LRP1B: variants seen among roughly 807,000 people sequenced by gnomAD.
LRP1B encodes the protein low-density lipoprotein receptor-related protein 1B.
A neutral mutation model predicts 556.6 loss-of-function variants in LRP1B; 217 were observed. The ratio of observed to expected loss-of-function variants is 0.39; its 90% CI spans 0.35 to 0.44. LRP1B has a LOEUF of 0.44. Ranked by LOEUF, LRP1B falls within the 20% of genes least tolerant of loss-of-function variation. The pLI, the probability that LRP1B is intolerant of heterozygous loss-of-function variation, is 1.00. For synonymous variants in LRP1B, 2,047 were observed against 1,865.8 expected (o/e 1.10, Z -2.50); for missense variants, 5,053 against 5,620.8 (o/e 0.90, Z 3.23).
chr2:141,378,281 A>G (rs1323057550), intron 3 of LRP1B, among the ~76,000 whole-genome samples: 1 of 152,226 alleles, frequency 6.6e-6, no homozygotes, highest in Non-Finnish European at 1.5e-5. Flanking sequence ...AGAACATTGA[A>G]CATTTTAGAC....
intron 7 of LRP1B, among the ~76,000 whole-genome samples, chr2:141,150,343 G>T (rs189549864): frequency 1.3e-5 from 2 of 152,256 alleles, no homozygotes; most frequent in Non-Finnish European, 2.9e-5. Flanking sequence ...CTATATTTCA[G>T]CAGGAAAAAG....
chr2:140,495,625 G>A lies in LRP1B; in HGVS notation c.8974C>T (p.Leu2992Phe), dbSNP rs2104873217. 6.2e-7 allele frequency: 1 copy of A among 1,613,814 alleles called. No individual in the cohort carries two copies. Among genetic ancestry groups the A allele is most frequent in the Non-Finnish European group, 8.5e-7 (1 of 1,179,776 alleles). Residue 2992 changes from leucine (L) to phenylalanine (F), a missense_variant, in exon 56 of 91, where the codon CTC (leucine) becomes TTC (phenylalanine). Physicochemically the swap from Leu to Phe is conservative, Grantham distance 22. Around this residue, in one of 5 missense-constraint regions of LRP1B, gnomAD observed 3,619 missense variants for 3,931.9 expected, o/e 0.92. Transcript: ENST00000389484. ...TGTATTTCATACCCATCTGTACAGA[G>A]GCACTTGTAAGTCCCGTATGTATTG... ...CINTYGTYKCLCTDGYEIQPD... is the reference protein window; with the variant it reads ...CINTYGTYKCFCTDGYEIQPD...
chr2:140,492,660 T>C lies in LRP1B; in HGVS notation c.9068A>G (p.His3023Arg). ...EEPFLILADH[H>R]EIRKISTDGS... ...ATCAGTGCTAATTTTCCTTATCTCA[T>C]GATGATCAGCAAGAATTAAAAAAGG... The change falls in exon 57 of 91, where the codon CAT (histidine) becomes CGT (arginine). Residue 3023 changes from histidine (H) to arginine (R), a missense_variant. By Grantham distance (29) the His-to-Arg change is conservative. This residue lies in a region of LRP1B where 3,619 missense variants were observed against 3,931.9 expected (regional missense o/e 0.92). Coordinates refer to ENST00000389484, the MANE Select transcript of LRP1B (RefSeq NM_018557.3). 3 of 1,613,646 alleles carry C rather than the reference T, an allele frequency of 1.9e-6. No individual in the cohort carries two copies. Among genetic ancestry groups the C allele is most frequent in the African/African-American group, 2.7e-5 (2 of 75,042 alleles).
intron 1 of LRP1B, among the ~76,000 whole-genome samples, chr2:142,018,580 C>T (rs1703226324): frequency 6.6e-6 from 1 of 151,876 alleles, no homozygotes; most frequent in Non-Finnish European, 1.5e-5. Context: ...TTTACCATAG[C>T]TTTCTGTTTT....
At position 140,368,388 on chromosome 2, in the gene LRP1B, A is replaced by C. The variant is rs531445804; in HGVS notation, c.11008+2322T>G. 1.8e-3 allele frequency among the ~76,000 whole-genome samples: 277 copies of C among 151,972 alleles called. 2 individuals are homozygous for C. Among genetic ancestry groups the C allele is most frequent in the Non-Finnish European group, 8.1e-4 (55 of 67,884 alleles). On this transcript the variant is annotated intron_variant, in intron 71 of 90. Transcript: ENST00000389484. ...TTCTCATCTTAATTGGGTTGAGAGA[A>C]GCTTTAATGCATGATAATACTTTAT...
intron 68 of LRP1B, among the ~76,000 whole-genome samples, chr2:140,377,797 A>C (rs1683299833): frequency 6.6e-6 from 1 of 152,176 alleles, no homozygotes; most frequent in Admixed American, 6.5e-5. Flanking sequence ...CTATTGAAGA[A>C]AGAGACTGGG....
At chr2:140,291,321 T>TTTTTTTTA (rs1553440694) in intron 84 of LRP1B, among the ~76,000 whole-genome samples, 6 of 132,018 alleles carry the variant, frequency 4.5e-5, no homozygotes, top group South Asian at 2.5e-4. Context: ...TATATATATT[T>TTTTTTTTA]TTATTATACT....
chr2:141,837,275 G>T (rs1230033981), intron 1 of LRP1B, among the ~76,000 whole-genome samples: 2 of 151,810 alleles, frequency 1.3e-5, no homozygotes, highest in Non-Finnish European at 2.9e-5. Flanking sequence ...GCCATCGAAG[G>T]GTAAGACATT....
intron 41 of LRP1B, among the ~76,000 whole-genome samples, chr2:140,684,836 G>A (rs1685992938): frequency 6.6e-6 from 1 of 152,126 alleles, no homozygotes; most frequent in Admixed American, 6.5e-5. Flanking sequence ...CAAGATGCGA[G>A]GGGTTGGAGA....
chr2:140,748,775 T>TATGATATATATTATATAC lies in LRP1B; in HGVS notation c.5758+20437_5758+20438insGTATATAATATATATCAT, dbSNP rs1559094583. Among the ~76,000 whole-genome samples, 51 of 29,316 alleles carry TATGATATATATTATATAC rather than the reference T, an allele frequency of 1.7e-3. 2 individuals carry two copies. The highest frequency in any genetic ancestry group is 3.2e-3 in the East Asian group (1 of 312). The allele number at this position is 29,316 out of a possible 152,430, so 19.2% of individuals were successfully genotyped here. ...ATATATATTATATACATGTATATAATATGTATATAATATATATTATATACA... is the reference window on the plus strand; with the variant it reads ...ATATATATTATATACATGTATATAATATGATATATATTATATACATGTATATAATATATATTATATACA... On this transcript the variant is annotated intron_variant, in intron 35 of 90. Coordinates refer to ENST00000389484, the MANE Select transcript of LRP1B (RefSeq NM_018557.3).
At chr2:141,908,510 T>C (rs1699820708) in intron 1 of LRP1B, among the ~76,000 whole-genome samples, 2 of 152,026 alleles carry the variant, frequency 1.3e-5, no homozygotes, top group Admixed American at 1.3e-4. Flanking sequence ...GGCTTATCAA[T>C]GTGCTGTGCT....
At chr2:141,520,607 C>T (rs1285281110) in intron 2 of LRP1B, among the ~76,000 whole-genome samples, 1 of 152,056 alleles carries the variant, frequency 6.6e-6, no homozygotes, top group African/African-American at 2.4e-5. Flanking sequence ...ACTGCCTCAA[C>T]TGTGACGGCG....
At chr2:141,600,655 G>A (rs2105308042) in intron 2 of LRP1B, among the ~76,000 whole-genome samples, 1 of 152,254 alleles carries the variant, frequency 6.6e-6, no homozygotes, top group Non-Finnish European at 1.5e-5. Flanking sequence ...ACCTACCACA[G>A]CACCTAATAG....
chr2:141,196,106 G>C (rs1055328586), intron 6 of LRP1B, among the ~76,000 whole-genome samples: 1 of 151,988 alleles, frequency 6.6e-6, no homozygotes, highest in African/African-American at 2.4e-5. Flanking sequence ...GTCAGGGGAT[G>C]GATTTTGGAT....
chr2:141,899,415 G>A (rs1699552790), intron 1 of LRP1B, among the ~76,000 whole-genome samples: 1 of 152,098 alleles, frequency 6.6e-6, no homozygotes, highest in Non-Finnish European at 1.5e-5. Context: ...CCAGGCAGTT[G>A]GAATCATACA....
intron 7 of LRP1B, among the ~76,000 whole-genome samples, chr2:141,082,421 A>C (rs570851793): frequency 6.6e-6 from 1 of 152,218 alleles, no homozygotes; most frequent in Non-Finnish European, 1.5e-5. Context: ...TCATCTTACT[A>C]TCTTTATTCT....
At chr2:141,044,147 C>A (rs1202686630) in intron 11 of LRP1B, among the ~76,000 whole-genome samples, 1 of 151,652 alleles carries the variant, frequency 6.6e-6, no homozygotes, top group Non-Finnish European at 1.5e-5. Flanking sequence ...TTTGACAAAC[C>A]TGAGAAAAAC....
At chr2:140,400,109 G>A (rs1489363851) in intron 66 of LRP1B, among the ~76,000 whole-genome samples, 1 of 152,104 alleles carries the variant, frequency 6.6e-6, no homozygotes, top group Non-Finnish European at 1.5e-5. Context: ...TCTGGTGTAT[G>A]GATCTGAAAT....
At chr2:140,533,933 G>T (rs767226512) in intron 47 of LRP1B, 88 bp downstream of exon 47, 10 of 1,432,142 alleles carry the variant, frequency 7.0e-6, no homozygotes, top group Non-Finnish European at 9.6e-6. Flanking sequence ...GGTGTTATAT[G>T]CCACAGAGCT....
Sources: allele counts gnomAD v4.1 joint callset (sites outside exome capture counted in the v4.1 genomes callset), GRCh38; gene constraint gnomAD v4.1.1; regional missense constraint gnomAD v4.1.1; transcripts MANE v1.5; gene names NCBI Gene and HGNC (gene_info 2026-07-23, HGNC 2026-07-21).